Variants in NAPA observed in about 807,000 individuals in gnomAD.
NAPA encodes the protein alpha-soluble NSF attachment protein.
Under a neutral mutation model 48.0 loss-of-function variants are expected in NAPA, and 18 were observed. That is an observed-to-expected ratio of 0.38 (90% CI 0.26 to 0.56). NAPA has a LOEUF of 0.56. Among genes scored for constraint, NAPA ranks in the 20% least tolerant of loss-of-function variants. The pLI, the probability that NAPA is intolerant of heterozygous loss-of-function variation, is 0.77. For synonymous variants in NAPA, 152 were observed against 149.9 expected (o/e 1.01, Z -0.10); for missense variants, 315 against 385.0 (o/e 0.82, Z 1.52).
Position 47,515,046 on chromosome 19 carries a change from G to T in NAPA, c.-106C>A. ...TCGGTAAAACTCGCCCGGCTGCGTT[G>T]ACGTCGCACCGGCGCGCGTCGCTTG... is the stretch of plus-strand genomic sequence containing the variant. On this transcript the variant is annotated 5_prime_UTR_variant, in exon 1 of 11. Coordinates refer to ENST00000263354, the MANE Select transcript of NAPA (RefSeq NM_003827.4). 4 of 1,167,780 alleles carry T rather than the reference G, an allele frequency of 3.4e-6. No homozygotes were observed. The highest frequency in any genetic ancestry group is 4.8e-6 in the Non-Finnish European group (4 of 827,314). 72.3% of individuals were successfully genotyped at this position (1,167,780 alleles called of 1,614,324 possible).
At chr19:47,491,376 T>TGTGTGTGGG (rs1055378191) in intron 8 of NAPA, 1 of 158,272 alleles carries the variant, frequency 6.3e-6, no homozygotes, top group Non-Finnish European at 1.4e-5. Context: ...GTGGGGTGTG[T>TGTGTGTGGG]GTGTGTGGGG....
chr19:47,491,996 C>T lies in NAPA; in HGVS notation c.666+19G>A, dbSNP rs548641879. ...ATGGTGGCCTGGTGCGGTGGTCCTGCGGGCGTGGGGTGTGCTACCTTGGCG... is the reference window on the plus strand; with the variant it reads ...ATGGTGGCCTGGTGCGGTGGTCCTGTGGGCGTGGGGTGTGCTACCTTGGCG... On this transcript the variant is annotated intron_variant, in intron 8 of 10. Transcript: ENST00000263354. 9.5e-5 allele frequency: 153 copies of T among 1,607,416 alleles called. No homozygotes were observed. Among genetic ancestry groups the T allele is most frequent in the South Asian group, 2.4e-4 (22 of 90,710 alleles).
rs772397166 is a variant in NAPA, at chr19:47,500,616, C to T, written c.295+17G>A. The T allele has an allele frequency of 1.9e-6, 3 of 1,588,148 alleles. No individual in the cohort carries two copies. Among genetic ancestry groups the T allele is most frequent in the Admixed American group, 3.5e-5 (2 of 56,830 alleles). ...CGCTCCGGACAGCCAGCCCGTGTGGCCCGCAGAGGCCCTCACCTTGGGGGT... is the reference window on the plus strand; with the variant it reads ...CGCTCCGGACAGCCAGCCCGTGTGGTCCGCAGAGGCCCTCACCTTGGGGGT... On this transcript the variant is annotated intron_variant, in intron 3 of 10. Coordinates refer to ENST00000263354, the MANE Select transcript of NAPA (RefSeq NM_003827.4).
In NAPA at chr19:47,492,948, C is replaced by T; in HGVS notation, c.561+13G>A. ...GGGGCAGGGTGGAAGCCGCCATCCC[C>T]ACCTGTCCCCACCTGTTCGTAGATG... is the stretch of plus-strand genomic sequence containing the variant. On this transcript the variant is annotated intron_variant, in intron 7 of 10. Transcript: ENST00000263354. 6.2e-7 allele frequency: 1 copy of T among 1,613,862 alleles called. No homozygotes were observed. The highest frequency in any genetic ancestry group is 2.2e-5 in the East Asian group (1 of 44,868).
intron 8 of NAPA, 64 bp downstream of exon 8, chr19:47,491,951 C>T (rs1025823330): frequency 4.2e-5 from 62 of 1,465,404 alleles, no homozygotes; most frequent in Non-Finnish European, 5.9e-5. Context: ...GGCAACGGGA[C>T]CTGGCCTGGA....
At chr19:47,505,175 C>T (rs1416601714) in intron 1 of NAPA, among the ~76,000 whole-genome samples, 5 of 152,218 alleles carry the variant, frequency 3.3e-5, no homozygotes, top group African/African-American at 4.8e-5. Context: ...AATCCACACA[C>T]TCTGGAGTCC....
At chr19:47,486,279 C>T (rs1302439748), downstream of NAPA, among the ~76,000 whole-genome samples, 6 of 151,930 alleles carry the variant, frequency 3.9e-5, no homozygotes, top group African/African-American at 1.2e-4. Flanking sequence ...CGCTTGAACC[C>T]GGGAGGCAGA....
At chr19:47,507,696 G>A (rs1357836751) in intron 1 of NAPA, among the ~76,000 whole-genome samples, 1 of 152,198 alleles carries the variant, frequency 6.6e-6, no homozygotes, top group African/African-American at 2.4e-5. Flanking sequence ...CTCCTGCACG[G>A]CTCTCGAGAC....
At position 47,503,589 on chromosome 19, in the gene NAPA, C is replaced by G. The variant is rs565304494; in HGVS notation, c.99-87G>C. ...ATTCTGCTCCAGTGCCGGGCACAGA[C>G]GTGCCCCTACCCCTCACCCTTCACC... is the stretch of plus-strand genomic sequence containing the variant. On this transcript the variant is annotated intron_variant, in intron 1 of 10. Transcript: ENST00000263354. 4.0e-6 allele frequency: 5 copies of G among 1,245,030 alleles called. No homozygotes were observed. In the Admixed American group the frequency reaches 9.0e-5, roughly 22 times the overall value. 77.1% of individuals were successfully genotyped at this position (1,245,030 alleles called of 1,614,324 possible).
Position 47,493,095 on chromosome 19 carries a change from T to C in NAPA, c.476+24A>G, listed in dbSNP as rs1968323140. The C allele has an allele frequency of 6.2e-7, 1 of 1,613,722 alleles. No homozygotes were observed. The highest frequency in any genetic ancestry group is 1.1e-5 in the South Asian group (1 of 91,064). ...GAAGTGGTGGCGGTCCCTGCGGGGC[T>C]GGGGCAGGCAGGAAGGGGGCTACCT... On this transcript the variant is annotated intron_variant, in intron 6 of 10. Transcript: ENST00000263354. This position sits in a 1 kb window ranked among gnomAD's most constrained non-coding sequence, Gnocchi z 6.4.
chr19:47,490,330 GAT>G (rs1215773513), intron 9 of NAPA, among the ~76,000 whole-genome samples: 3 of 147,294 alleles, frequency 2.0e-5, no homozygotes, highest in Non-Finnish European at 3.0e-5. Flanking sequence ...GTGTGTGTGC[GAT>G]ATGTGTGGTG....
downstream of NAPA, among the ~76,000 whole-genome samples, chr19:47,486,803 A>G (rs928075029): frequency 7.2e-5 from 11 of 152,130 alleles, no homozygotes; most frequent in Admixed American, 6.5e-4. Flanking sequence ...GCTGCAGGGG[A>G]GAGAGGAGCA....
chr19:47,486,522 A>G (rs1330128196), downstream of NAPA, among the ~76,000 whole-genome samples: 1 of 152,140 alleles, frequency 6.6e-6, no homozygotes, highest in African/African-American at 2.4e-5. Flanking sequence ...GCTGCTCTCG[A>G]ACTCTTGACC....
chr19:47,513,146 A>G (rs1055644737), intron 1 of NAPA, among the ~76,000 whole-genome samples: 17 of 150,616 alleles, frequency 1.1e-4, no homozygotes, highest in African/African-American at 4.1e-4. Flanking sequence ...GCCCCCTGCC[A>G]AACTCCCTTC....
chr19:47,502,866 G>C (rs1421352274), intron 2 of NAPA, among the ~76,000 whole-genome samples: 1 of 152,196 alleles, frequency 6.6e-6, no homozygotes. Flanking sequence ...CAGAGCCTTG[G>C]TTTCTGAATC....
At position 47,493,601 on chromosome 19, in the gene NAPA, G is replaced by C; in HGVS notation, c.343-108C>G. The C allele has an allele frequency of 1.1e-6, 1 of 920,720 alleles. No homozygotes were observed. Among genetic ancestry groups the C allele is most frequent in the Admixed American group, 1.8e-5 (1 of 57,094 alleles). The allele number at this position is 920,720 out of a possible 1,614,324, so 57.0% of individuals were successfully genotyped here. ...CACCCCTCAGCCACGCCTGTGAGGA[G>C]GTATGAAGAAGACCTGAGGTGTGAA... On this transcript the variant is annotated intron_variant, in intron 4 of 10. Coordinates refer to ENST00000263354, the MANE Select transcript of NAPA (RefSeq NM_003827.4). The surrounding 1 kb of genome is among the most constrained non-coding windows in gnomAD (Gnocchi z 6.4).
At chr19:47,486,354 C>CA (rs575376324), downstream of NAPA, among the ~76,000 whole-genome samples, 747 of 144,142 alleles carry the variant, frequency 5.2e-3, 9 homozygotes, top group Non-Finnish European at 3.3e-3. Context: ...GACTCTGTCT[C>CA]AAAAAAAAAA....
intron 7 of NAPA, chr19:47,492,587 C>G (rs1162656592): frequency 4.8e-6 from 2 of 418,268 alleles, no homozygotes; most frequent in African/African-American, 4.1e-5. Flanking sequence ...CTCCCTCCCA[C>G]TGTGGATGAG....
chr19:47,498,521 G>A (rs1219177335), intron 3 of NAPA, among the ~76,000 whole-genome samples: 1 of 152,214 alleles, frequency 6.6e-6, no homozygotes, highest in Non-Finnish European at 1.5e-5. Context: ...AGGGGAGGCA[G>A]GGTCCTCCCA....
Sources: gnomAD v4.1 joint callset for allele counts (sites outside exome capture counted in the v4.1 genomes callset) on GRCh38, gnomAD v4.1.1 for gene constraint, Gnocchi (gnomAD v3.1) non-coding constraint, MANE v1.5 for transcripts, NCBI Gene and HGNC (gene_info 2026-07-23, HGNC 2026-07-21) for gene names.